AGBL1: variants seen among roughly 807,000 people sequenced by gnomAD.
AGBL1 encodes cytosolic carboxypeptidase 4.
Under a neutral mutation model 118.9 loss-of-function variants are expected in AGBL1, and 130 were observed. That is an observed-to-expected ratio of 1.09 (90% CI 0.95 to 1.26). AGBL1 has a LOEUF of 1.26. AGBL1 is among the 50% of genes most tolerant of loss of function. The probability of loss-of-function intolerance (pLI) is 0.00; values close to 1 mark genes in which losing one functional copy is unlikely to be tolerated. For missense variants in AGBL1, 1,584 were observed against 1,298.1 expected (o/e 1.22, Z -3.38); for synonymous variants, 555 against 478.9 (o/e 1.16, Z -2.08).
intron 18 of AGBL1, among the ~76,000 whole-genome samples, chr15:86,463,624 T>TCC (rs1442348869): frequency 5.9e-5 from 9 of 152,212 alleles, no homozygotes; most frequent in African/African-American, 1.9e-4. Context: ...GTATAAGTTG[T>TCC]AAGGAAGGGG....
intron 21 of AGBL1, among the ~76,000 whole-genome samples, chr15:86,593,098 A>C (rs983466385): frequency 6.6e-6 from 1 of 152,148 alleles, no homozygotes; most frequent in Non-Finnish European, 1.5e-5. Context: ...ATAGTCTACC[A>C]GTGTCATTAT....
At chr15:86,595,948 T>A (rs564595503) in intron 21 of AGBL1, among the ~76,000 whole-genome samples, 2 of 152,068 alleles carry the variant, frequency 1.3e-5, no homozygotes, top group East Asian at 3.9e-4. Flanking sequence ...GAATCATGCA[T>A]CCCTGTGGAG....
chr15:86,973,816 G>T (rs2081135477), intron 23 of AGBL1, among the ~76,000 whole-genome samples: 1 of 150,164 alleles, frequency 6.7e-6, no homozygotes, highest in Non-Finnish European at 1.5e-5. Context: ...TCATTGAAAA[G>T]CAGAATTATA....
At chr15:86,878,213 TG>T (rs934187267) in intron 22 of AGBL1, among the ~76,000 whole-genome samples, 3 of 152,192 alleles carry the variant, frequency 2.0e-5, no homozygotes, top group African/African-American at 7.2e-5. Context: ...GTTTTGTTCC[TG>T]GGCTGGGCTT....
intron 22 of AGBL1, among the ~76,000 whole-genome samples, chr15:86,790,343 AAC>A (rs4035430): frequency 0.1 from 15,285 of 148,528 alleles, 811 homozygotes; most frequent in East Asian, 0.19. Flanking sequence ...TTGTCCTTCA[AAC>A]ACACACACAC....
chr15:86,467,152 C>G (rs1596150565), intron 18 of AGBL1, among the ~76,000 whole-genome samples: 1 of 152,352 alleles, frequency 6.6e-6, no homozygotes, highest in South Asian at 2.1e-4. Context: ...TGCTGCCTTT[C>G]TTTCAGAGAG....
intron 22 of AGBL1, among the ~76,000 whole-genome samples, chr15:86,684,064 T>G (rs1279429954): frequency 6.6e-6 from 1 of 151,878 alleles, no homozygotes; most frequent in Non-Finnish European, 1.5e-5. Flanking sequence ...AAAGTGTAAA[T>G]ACAATAGTGA....
Position 86,913,354 on chromosome 15 carries a change from A to G in AGBL1, c.*6060A>G, listed in dbSNP as rs1222482570. 2 of 152,200 alleles carry G rather than the reference A, an allele frequency of 1.3e-5. No individual in the cohort carries two copies. Among genetic ancestry groups the G allele is most frequent in the Non-Finnish European group, 2.9e-5 (2 of 68,056 alleles). 9.4% of individuals were successfully genotyped at this position (152,200 alleles called of 1,614,324 possible). On this transcript the variant is annotated 3_prime_UTR_variant, in exon 23 of 23. Coordinates refer to ENST00000614907, the MANE Select transcript of AGBL1 (RefSeq NM_001386094.1). ...GCTCTACTGTCACACAGATGTCAAGATGAAGGCCTTTTGGGCAGAAGACGG... is the reference window on the plus strand; with the variant it reads ...GCTCTACTGTCACACAGATGTCAAGGTGAAGGCCTTTTGGGCAGAAGACGG...
At chr15:86,822,036 T>C (rs1208161791) in intron 22 of AGBL1, among the ~76,000 whole-genome samples, 1 of 152,178 alleles carries the variant, frequency 6.6e-6, no homozygotes, top group African/African-American at 2.4e-5. Flanking sequence ...TCAGTGTCCA[T>C]GTGTGCACAG....
At chr15:86,167,385 A>G (rs1461715434) in intron 5 of AGBL1, among the ~76,000 whole-genome samples, 1 of 151,902 alleles carries the variant, frequency 6.6e-6, no homozygotes, top group Non-Finnish European at 1.5e-5. Context: ...AGCTGGGATT[A>G]CAGGTGCCCA....
chr15:86,987,002 G>A (rs1596710598), intron 23 of AGBL1, among the ~76,000 whole-genome samples: 1 of 152,094 alleles, frequency 6.6e-6, no homozygotes, highest in East Asian at 1.9e-4. Flanking sequence ...CAGGAGTGGG[G>A]GTCACAAGGT....
intron 22 of AGBL1, among the ~76,000 whole-genome samples, chr15:86,781,121 T>C (rs1198974742): frequency 6.6e-6 from 1 of 152,210 alleles, no homozygotes; most frequent in Admixed American, 6.5e-5. Flanking sequence ...TGTATTATGT[T>C]CATTTCTCTT....
chr15:86,831,312 C>T (rs2079100806), intron 22 of AGBL1, among the ~76,000 whole-genome samples: 1 of 152,214 alleles, frequency 6.6e-6, no homozygotes, highest in Non-Finnish European at 1.5e-5. Flanking sequence ...ATGATGCCTT[C>T]TCAACAGTTC....
chr15:86,929,249 C>T (rs2080579053), intron 23 of AGBL1, among the ~76,000 whole-genome samples: 1 of 152,310 alleles, frequency 6.6e-6, no homozygotes, highest in South Asian at 2.1e-4. Context: ...ATAGTAGTGA[C>T]ATCTGGTCTG....
At chr15:86,356,355 T>TGTGTGTGTGC (rs151263305) in intron 17 of AGBL1, among the ~76,000 whole-genome samples, 135 of 151,010 alleles carry the variant, frequency 8.9e-4, no homozygotes, top group East Asian at 8.4e-3. Flanking sequence ...TGTGTGTGTG[T>TGTGTGTGTGC]GCGCGTGCGC....
intron 18 of AGBL1, among the ~76,000 whole-genome samples, chr15:86,462,900 C>G (rs1274251335): frequency 6.6e-6 from 1 of 152,208 alleles, no homozygotes; most frequent in Non-Finnish European, 1.5e-5. Flanking sequence ...CTGCAATAAA[C>G]ATACATGTGC....
intron 18 of AGBL1, among the ~76,000 whole-genome samples, chr15:86,505,629 T>G (rs2082967255): frequency 6.6e-6 from 1 of 152,046 alleles, no homozygotes; most frequent in Admixed American, 6.6e-5. Context: ...AATTTTTGTT[T>G]TTTAATGATA....
chr15:86,860,267 T>G (rs907636290), intron 22 of AGBL1, among the ~76,000 whole-genome samples: 1 of 152,088 alleles, frequency 6.6e-6, no homozygotes, highest in African/African-American at 2.4e-5. Flanking sequence ...CTGAGTTTAG[T>G]GCCCAGCACA....
chr15:86,303,607 C>A (rs897517244), intron 17 of AGBL1, among the ~76,000 whole-genome samples: 2 of 151,980 alleles, frequency 1.3e-5, no homozygotes, highest in South Asian at 4.2e-4. Context: ...AATTATACAG[C>A]CAATATGCTA....
Sources: allele counts gnomAD v4.1 joint callset (sites outside exome capture counted in the v4.1 genomes callset), GRCh38; gene constraint gnomAD v4.1.1; transcripts MANE v1.5; gene names NCBI Gene and HGNC (gene_info 2026-07-23, HGNC 2026-07-21).